The following PGBD5 variants were observed in gnomAD, a reference collection of about 807,000 sequenced individuals.
The protein encoded by PGBD5 is piggyBac transposable element-derived protein 5.
Under a neutral mutation model 47.9 loss-of-function variants are expected in PGBD5, and 14 were observed. The ratio of observed to expected loss-of-function variants is 0.29; its 90% CI spans 0.19 to 0.46. The LOEUF (loss-of-function observed/expected upper bound fraction) is 0.46, where lower values mean the gene tolerates loss of function less well. PGBD5 is among the 20% of genes least tolerant of loss of function. PGBD5 has a pLI of 1.00. For missense variants in PGBD5, 635 were observed against 716.0 expected (o/e 0.89, Z 1.29); for synonymous variants, 316 against 306.3 (o/e 1.03, Z -0.33).
intron 1 of PGBD5, chr1:230,362,518 TG>T: frequency 1.7e-6 from 2 of 1,154,302 alleles, no homozygotes; most frequent in Non-Finnish European, 2.2e-6. Context: ...CATCACCTTC[TG>T]GGGGAACCTC....
In PGBD5 at chr1:230,321,423, T is replaced by A. The variant is rs1667030198; in HGVS notation, c.*2002A>T. On this transcript the variant is annotated 3_prime_UTR_variant, in exon 7 of 7. Coordinates refer to ENST00000391860, the MANE Select transcript of PGBD5 (RefSeq NM_001258311.2). ...CAGTGGCTCAAGAGATCCTCCCACC[T>A]CAGCCTCCCAAGTAGCTGGGACTGC... 1 of 152,206 alleles carries A rather than the reference T, an allele frequency of 6.6e-6. No homozygotes were observed. Among genetic ancestry groups the A allele is most frequent in the South Asian group, 2.1e-4 (1 of 4,830 alleles). The allele number at this position is 152,206 out of a possible 1,614,324, so 9.4% of individuals were successfully genotyped here. A position where few individuals can be genotyped will look rare whatever the true frequency, so the allele number is the denominator to read the frequency against.
chr1:230,368,077 G>A, intron 1 of PGBD5: 5 of 1,367,912 alleles, frequency 3.7e-6, no homozygotes, highest in Non-Finnish European at 4.9e-6. Flanking sequence ...TTAGCTCTGT[G>A]GTTGCTTCTG....
chr1:230,405,732 A>T (rs1407748213), intron 1 of PGBD5, among the ~76,000 whole-genome samples: 3 of 152,218 alleles, frequency 2.0e-5, no homozygotes, highest in African/African-American at 7.2e-5. Flanking sequence ...CAGTGAGAAA[A>T]GAGGAGAAAG....
At chr1:230,376,916 C>G (rs1360894551) in intron 1 of PGBD5, among the ~76,000 whole-genome samples, 1 of 152,126 alleles carries the variant, frequency 6.6e-6, no homozygotes, top group Non-Finnish European at 1.5e-5. Flanking sequence ...AGAAGGAGGC[C>G]TGGGATGGCA....
At chr1:230,369,251 A>G (rs1208585408) in intron 1 of PGBD5, among the ~76,000 whole-genome samples, 1 of 152,254 alleles carries the variant, frequency 6.6e-6, no homozygotes, top group Admixed American at 6.5e-5. Flanking sequence ...CTTAAGAAGC[A>G]GCTCCTTGGA....
At chr1:230,393,824 CAA>C (rs34929519) in intron 1 of PGBD5, among the ~76,000 whole-genome samples, 4 of 77,580 alleles carry the variant, frequency 5.2e-5, no homozygotes, top group Admixed American at 2.7e-4. Context: ...GACTCCGTCT[CAA>C]AAAAAAAAAA....
At chr1:230,416,554 G>A (rs1657516674) in intron 1 of PGBD5, among the ~76,000 whole-genome samples, 1 of 152,192 alleles carries the variant, frequency 6.6e-6, no homozygotes, top group African/African-American at 2.4e-5. Flanking sequence ...AGTGATTTTA[G>A]ATGGGTAAAG....
intron 1 of PGBD5, among the ~76,000 whole-genome samples, chr1:230,406,594 G>T (rs1308334817): frequency 6.6e-6 from 1 of 152,066 alleles, no homozygotes; most frequent in East Asian, 1.9e-4. Context: ...CAGAACAACA[G>T]AGTTTAGATT....
At chr1:230,398,520 G>T (rs1006673644) in intron 1 of PGBD5, among the ~76,000 whole-genome samples, 1 of 152,168 alleles carries the variant, frequency 6.6e-6, no homozygotes, top group African/African-American at 2.4e-5. Flanking sequence ...AAGTACTAGG[G>T]GTTAGGACTT....
At chr1:230,350,877 G>A (rs1049875482) in intron 3 of PGBD5, 81 bp downstream of exon 3, 1 of 1,548,060 alleles carries the variant, frequency 6.5e-7, no homozygotes, top group Non-Finnish European at 8.7e-7. Context: ...AAGTTCTTGG[G>A]TATCAGATGA....
chr1:230,426,013 GCCC>G lies in PGBD5; in HGVS notation c.-88_-86del. The G allele has an allele frequency of 1.5e-6, 1 of 648,730 alleles. No individual in the cohort carries two copies. The highest frequency in any genetic ancestry group is 1.9e-6 in the Non-Finnish European group (1 of 527,044). The allele number at this position is 648,730 out of a possible 1,614,324, so 40.2% of individuals were successfully genotyped here. On this transcript the variant is annotated 5_prime_UTR_variant, in exon 1 of 7. Coordinates refer to ENST00000391860, the MANE Select transcript of PGBD5 (RefSeq NM_001258311.2). Reference sequence around the variant, plus strand: ...CCCTGGGCCCGCGCCGCGGCCCGCCGCCCCCCACCAGCGCAGCCCGCAGCACAG... The same window carrying G: ...CCCTGGGCCCGCGCCGCGGCCCGCCGCCCACCAGCGCAGCCCGCAGCACAG...
chr1:230,395,049 A>T (rs1272162046), intron 1 of PGBD5, among the ~76,000 whole-genome samples: 9 of 16,574 alleles, frequency 5.4e-4, no homozygotes, highest in East Asian at 1.7e-3. Flanking sequence ...TCCCCGTCCC[A>T]GAGCTCCTCT....
Position 230,315,892 on chromosome 1 carries a change from T to G in PGBD5, c.*7533A>C, listed in dbSNP as rs375188963. On this transcript the variant is annotated 3_prime_UTR_variant, in exon 7 of 7. Transcript: ENST00000391860. ...TATACATATATGGATACATACATATTTATGTGTACACATATATGTATATGT... is the reference window on the plus strand; with the variant it reads ...TATACATATATGGATACATACATATGTATGTGTACACATATATGTATATGT... The G allele has an allele frequency of 6.8e-6, 1 of 147,864 alleles. No individual in the cohort carries two copies. Among genetic ancestry groups the G allele is most frequent in the African/African-American group, 2.5e-5 (1 of 40,218 alleles). 9.2% of individuals were successfully genotyped at this position (147,864 alleles called of 1,614,324 possible). A position where few individuals can be genotyped will look rare whatever the true frequency, so the allele number is the denominator to read the frequency against.
intron 1 of PGBD5, chr1:230,362,373 C>G (rs1472001781): frequency 7.3e-7 from 1 of 1,365,444 alleles, no homozygotes. Flanking sequence ...GTCGCTGCCT[C>G]TGGCCTGGAT....
chr1:230,362,293 T>C (rs757061510), intron 1 of PGBD5: 10 of 1,367,642 alleles, frequency 7.3e-6, no homozygotes, highest in Non-Finnish European at 9.8e-6. Context: ...TGCACTGAGT[T>C]TCCCCACGGG....
intron 2 of PGBD5, among the ~76,000 whole-genome samples, chr1:230,355,602 C>G (rs146176202): frequency 1.5e-4 from 23 of 152,172 alleles, no homozygotes; most frequent in African/African-American, 5.6e-4. Context: ...CTCATGTCCT[C>G]GAAAGTCTCC....
At chr1:230,400,219 C>T (rs1012541494) in intron 1 of PGBD5, among the ~76,000 whole-genome samples, 30 of 152,172 alleles carry the variant, frequency 2.0e-4, no homozygotes, top group Non-Finnish European at 4.0e-4. Flanking sequence ...GAGGGATCTC[C>T]ACTTGCCAGA....
At position 230,357,373 on chromosome 1, in the gene PGBD5, A is replaced by C; in HGVS notation, c.332-52T>G. 6.4e-7 allele frequency: 1 copy of C among 1,566,692 alleles called. No homozygotes were observed. The highest frequency in any genetic ancestry group is 8.7e-7 in the Non-Finnish European group (1 of 1,149,320). ...TCCTTAGGACGGCCGCCACACCCTG[A>C]CTCGACACGAGAACGGCTGCATTTC... On this transcript the variant is annotated intron_variant, in intron 1 of 6. Transcript: ENST00000391860. This position sits in a 1 kb window ranked among gnomAD's most constrained non-coding sequence, Gnocchi z 5.7.
chr1:230,329,744 C>A (rs984181347), intron 5 of PGBD5, among the ~76,000 whole-genome samples: 1 of 152,216 alleles, frequency 6.6e-6, no homozygotes, highest in African/African-American at 2.4e-5. Context: ...CACAGAGGTG[C>A]AGCTGCTGGG....
Sources: allele counts gnomAD v4.1 joint callset (sites outside exome capture counted in the v4.1 genomes callset), GRCh38; gene constraint gnomAD v4.1.1; non-coding constraint Gnocchi (gnomAD v3.1); transcripts MANE v1.5; gene names NCBI Gene and HGNC (gene_info 2026-07-23, HGNC 2026-07-21).